ERC2: variants seen among roughly 807,000 people sequenced by gnomAD.
ERC2 encodes ELKS/RAB6-interacting/CAST family member 2, also known as ERC protein 2.
ERC2 carries 42 observed loss-of-function variants against 114.8 expected under a neutral mutation model. The ratio of observed to expected loss-of-function variants is 0.37; its 90% CI spans 0.29 to 0.47. ERC2 has a LOEUF of 0.47. Among genes scored for constraint, ERC2 ranks in the 20% least tolerant of loss-of-function variants. ERC2 has a pLI of 0.99. For synonymous variants in ERC2, 454 were observed against 425.5 expected, an observed-to-expected ratio of 1.07 and a Z score of -0.82; for missense variants, 939 against 1,150.7, an observed-to-expected ratio of 0.82 and a Z score of 2.66.
intron 10 of ERC2, among the ~76,000 whole-genome samples, chr3:56,004,057 T>C (rs988992283): frequency 5.3e-5 from 8 of 152,058 alleles, no homozygotes; most frequent in Non-Finnish European, 8.8e-5. Context: ...TCAACTTGAA[T>C]GAAGTAAATG....
At chr3:55,905,004 A>C (rs1335721750) in intron 13 of ERC2, among the ~76,000 whole-genome samples, 1 of 152,236 alleles carries the variant, frequency 6.6e-6, no homozygotes, top group Non-Finnish European at 1.5e-5. Context: ...CTCTAGTCTA[A>C]CAAAAGCAGC....
At chr3:56,148,950 A>T in intron 5 of ERC2, 27 bp downstream of exon 5, 7 of 1,605,854 alleles carry the variant, frequency 4.4e-6, no homozygotes, top group Non-Finnish European at 5.1e-6. Flanking sequence ...CATTAAGAAC[A>T]TAAAAGTTTA....
Position 55,699,499 on chromosome 3 carries a change from A to G in ERC2, c.2726T>C (p.Met909Thr). 6.2e-7 allele frequency: 1 copy of G among 1,613,000 alleles called. No homozygotes were observed. Among genetic ancestry groups the G allele is most frequent in the Non-Finnish European group, 8.5e-7 (1 of 1,179,190 alleles). ...HQLKQQTQNR[M>T]KLMADNYDDD... ...ATCATAGTTGTCTGCCATCAACTTC[A>G]TTCTGTTCTGGGTCTGTGCAGAACA... The change falls in exon 16 of 18, where the codon ATG (methionine) becomes ACG (threonine). Residue 909 changes from methionine (M) to threonine (T), a missense_variant. This residue lies in a region of ERC2 where 328 missense variants were observed against 353.9 expected (regional missense o/e 0.93). Transcript: ENST00000288221.
At chr3:56,136,508 T>A (rs2080517624) in intron 6 of ERC2, among the ~76,000 whole-genome samples, 1 of 152,118 alleles carries the variant, frequency 6.6e-6, no homozygotes, top group South Asian at 2.1e-4. Context: ...AGGTTTGGTG[T>A]ACAGATTATT....
intron 14 of ERC2, among the ~76,000 whole-genome samples, chr3:55,819,815 A>G (rs1308897273): frequency 6.6e-6 from 1 of 152,246 alleles, no homozygotes; most frequent in African/African-American, 2.4e-5. Flanking sequence ...GGTCCAACTC[A>G]AACCTGGGAA....
intron 2 of ERC2, among the ~76,000 whole-genome samples, chr3:56,317,187 C>T (rs1488147349): frequency 2.0e-5 from 3 of 152,144 alleles, no homozygotes; most frequent in African/African-American, 7.2e-5. Flanking sequence ...GGTTTGAGCA[C>T]AAGGGAAGAT....
intron 6 of ERC2, among the ~76,000 whole-genome samples, chr3:56,114,605 C>T (rs897851829): frequency 6.6e-5 from 10 of 152,120 alleles, no homozygotes; most frequent in Admixed American, 5.9e-4. Context: ...AAGGATACAA[C>T]CCAGGAACAA....
intron 12 of ERC2, among the ~76,000 whole-genome samples, chr3:55,982,304 T>C (rs1351005410): frequency 6.6e-6 from 1 of 152,134 alleles, no homozygotes; most frequent in Non-Finnish European, 1.5e-5. Context: ...CATCTGTAAA[T>C]CAAAATGGAT....
chr3:55,537,452 T>G (rs1428078475), intron 17 of ERC2, among the ~76,000 whole-genome samples: 1 of 152,174 alleles, frequency 6.6e-6, no homozygotes, highest in Non-Finnish European at 1.5e-5. Context: ...AAAGGTCAGT[T>G]GAGTAAATGT....
chr3:55,537,991 G>A lies in ERC2; in HGVS notation c.*40-26715C>T, dbSNP rs56256823. ...TCTCTCTGGTAGGTGTGTGGGAGGC[G>A]GTGGGGAGGAGATTGTATGATCAGC... On this transcript the variant is annotated intron_variant, in intron 17 of 17. Transcript: ENST00000288221. Among the ~76,000 whole-genome samples, 967 of 152,238 alleles carry A rather than the reference G, an allele frequency of 6.4e-3. 14 individuals are homozygous for A. The highest frequency in any genetic ancestry group is 0.022 in the African/African-American group (897 of 41,520).
At chr3:55,716,253 C>G (rs561959138) in intron 15 of ERC2, among the ~76,000 whole-genome samples, 2 of 152,278 alleles carry the variant, frequency 1.3e-5, no homozygotes, top group South Asian at 2.1e-4. Context: ...CAGCTTCCCC[C>G]ACAGAAACTC....
At chr3:56,242,760 C>T (rs565894673) in intron 3 of ERC2, among the ~76,000 whole-genome samples, 1 of 152,166 alleles carries the variant, frequency 6.6e-6, no homozygotes, top group South Asian at 2.1e-4. Flanking sequence ...AAAAAGTTTG[C>T]TGAGCTATGC....
chr3:56,386,314 TGA>T (rs1489889532), intron 2 of ERC2, among the ~76,000 whole-genome samples: 1 of 152,100 alleles, frequency 6.6e-6, no homozygotes, highest in Non-Finnish European at 1.5e-5. Flanking sequence ...TAAGTCACAG[TGA>T]AACACTCCAA....
chr3:56,419,950 T>A (rs2061323571), intron 2 of ERC2, among the ~76,000 whole-genome samples: 1 of 152,190 alleles, frequency 6.6e-6, no homozygotes, highest in South Asian at 2.1e-4. Context: ...TTTCTAAATT[T>A]AAGCAAGTTC....
chr3:56,205,048 A>G (rs990784089), intron 3 of ERC2, among the ~76,000 whole-genome samples: 1 of 151,784 alleles, frequency 6.6e-6, no homozygotes, highest in Non-Finnish European at 1.5e-5. Context: ...CTCTTTTAAC[A>G]CTCCATAAAA....
At chr3:55,680,775 A>C (rs1461967475) in intron 17 of ERC2, among the ~76,000 whole-genome samples, 1 of 152,222 alleles carries the variant, frequency 6.6e-6, no homozygotes, top group Non-Finnish European at 1.5e-5. Flanking sequence ...GGCCACAGGT[A>C]AATCTTAGGC....
intron 17 of ERC2, among the ~76,000 whole-genome samples, chr3:55,614,221 CAA>C: frequency 6.6e-6 from 1 of 152,142 alleles, no homozygotes; most frequent in Non-Finnish European, 1.5e-5. Flanking sequence ...GTAGGAAAAA[CAA>C]AAGTTTTAAA....
At chr3:55,739,271 A>G (rs2065834782) in intron 14 of ERC2, among the ~76,000 whole-genome samples, 1 of 152,196 alleles carries the variant, frequency 6.6e-6, no homozygotes, top group African/African-American at 2.4e-5. Flanking sequence ...TTGGGTATAT[A>G]CCCAGTAATG....
intron 14 of ERC2, among the ~76,000 whole-genome samples, chr3:55,830,565 A>G (rs546483547): frequency 6.6e-6 from 1 of 152,336 alleles, no homozygotes; most frequent in Admixed American, 6.5e-5. Flanking sequence ...GAGGTTTCTC[A>G]ATTTACTTGA....
Sources: allele counts gnomAD v4.1 joint callset (sites outside exome capture counted in the v4.1 genomes callset), GRCh38; gene constraint gnomAD v4.1.1; regional missense constraint gnomAD v4.1.1; transcripts MANE v1.5; gene names NCBI Gene and HGNC (gene_info 2026-07-23, HGNC 2026-07-21).